Variants in HPCAL1 observed in about 807,000 individuals in gnomAD.
The protein encoded by HPCAL1 is hippocalcin like 1.
A neutral mutation model predicts 17.1 loss-of-function variants in HPCAL1; 8 were observed. That is an observed-to-expected ratio of 0.47 (90% CI 0.27 to 0.84). The LOEUF (loss-of-function observed/expected upper bound fraction) is 0.84. HPCAL1 is among the 40% of genes least tolerant of loss of function. The pLI, the probability that HPCAL1 is intolerant of heterozygous loss-of-function variation, is 0.13. For missense variants in HPCAL1, 165 were observed against 271.1 expected, an observed-to-expected ratio of 0.61 and a Z score of 2.75; for synonymous variants, 112 against 111.4, an observed-to-expected ratio of 1.01 and a Z score of -0.03.
chr2:10,386,498 C>A (rs532217098), intron 1 of HPCAL1, among the ~76,000 whole-genome samples: 1 of 152,148 alleles, frequency 6.6e-6, no homozygotes, highest in African/African-American at 2.4e-5. Flanking sequence ...AGACCCCCCC[C>A]CAGGTTACAG....
chr2:10,414,509 C>T (rs986620246), intron 2 of HPCAL1, among the ~76,000 whole-genome samples: 1 of 152,164 alleles, frequency 6.6e-6, no homozygotes, highest in Non-Finnish European at 1.5e-5. Flanking sequence ...CTCATCTCCT[C>T]TTCTTATAAG....
intron 1 of HPCAL1, among the ~76,000 whole-genome samples, chr2:10,366,676 A>C (rs780486582): frequency 6.6e-6 from 1 of 152,192 alleles, no homozygotes; most frequent in African/African-American, 2.4e-5. Context: ...CCCGCCCTGC[A>C]GCTCAAGCTT....
chr2:10,329,885 A>T (rs575297333), intron 1 of HPCAL1, among the ~76,000 whole-genome samples: 77 of 152,304 alleles, frequency 5.1e-4, no homozygotes, highest in African/African-American at 1.8e-3. Flanking sequence ...TTTTTTCTAA[A>T]GAAGAGACAG....
At position 10,359,440 on chromosome 2, in the gene HPCAL1, G is replaced by C. The variant is rs905103535; in HGVS notation, c.-110-37395G>C. Among the ~76,000 whole-genome samples the C allele has an allele frequency of 1.3e-5, 2 of 152,244 alleles. No individual in the cohort carries two copies. Among genetic ancestry groups the C allele is most frequent in the Non-Finnish European group, 2.9e-5 (2 of 68,042 alleles). The stretch of plus-strand genomic sequence containing the variant: ...AAGTTGAGATGTCTTTGTTCCCAGA[G>C]GAAAGTCCCTGCAGGCCCCGGCCTC... On this transcript the variant is annotated intron_variant, in intron 1 of 4. Coordinates refer to ENST00000307845, the MANE Select transcript of HPCAL1 (RefSeq NM_002149.4). The surrounding 1 kb of genome is among the most constrained non-coding windows in gnomAD (Gnocchi z 4.1).
chr2:10,309,722 C>T (rs1046402483), intron 1 of HPCAL1, among the ~76,000 whole-genome samples: 2 of 152,128 alleles, frequency 1.3e-5, no homozygotes, highest in Admixed American at 6.5e-5. Context: ...GGTGCTGTGG[C>T]CTTGGGTGGC....
chr2:10,352,049 C>T (rs546041512), intron 1 of HPCAL1, among the ~76,000 whole-genome samples: 5 of 151,926 alleles, frequency 3.3e-5, no homozygotes, highest in Non-Finnish European at 4.4e-5. Context: ...ATTACAGGTG[C>T]GTACCACCAC....
rs977117746 is a variant in HPCAL1, at chr2:10,411,398, G to A, written c.-24-8336G>A. Among the ~76,000 whole-genome samples the A allele has an allele frequency of 2.0e-5, 3 of 152,210 alleles. No homozygotes were observed. In the East Asian group the frequency reaches 5.8e-4, roughly 29 times the overall value. On this transcript the variant is annotated intron_variant, in intron 2 of 4. Transcript: ENST00000307845. ...TTGCCTCCTCTCGGCCTAGCCAGGA[G>A]TGACCCCACTTTCCCAGCTCCTAGA...
intron 1 of HPCAL1, among the ~76,000 whole-genome samples, chr2:10,314,431 G>A (rs1468158097): frequency 6.6e-6 from 1 of 152,124 alleles, no homozygotes; most frequent in Non-Finnish European, 1.5e-5. Flanking sequence ...AAGAAGACAG[G>A]GACTCGTGGC....
intron 1 of HPCAL1, among the ~76,000 whole-genome samples, chr2:10,374,880 T>C (rs2016436): frequency 0.45 from 68,719 of 152,160 alleles, 15,862 homozygotes; most frequent in African/African-American, 0.54. Flanking sequence ...TCCCTGGGGC[T>C]GGACCCCTTG....
rs1234094959 is a variant in HPCAL1 at position 10,419,363 on chromosome 2, A to T, written c.-24-371A>T. Among the ~76,000 whole-genome samples, 1 of 152,198 alleles carries T rather than the reference A, an allele frequency of 6.6e-6. No homozygotes were observed. Among genetic ancestry groups the T allele is most frequent in the Non-Finnish European group, 1.5e-5 (1 of 68,030 alleles). On this transcript the variant is annotated intron_variant, in intron 2 of 4. Coordinates refer to ENST00000307845, the MANE Select transcript of HPCAL1 (RefSeq NM_002149.4). The surrounding 1 kb of genome is among the most constrained non-coding windows in gnomAD (Gnocchi z 5.0). The stretch of plus-strand genomic sequence containing the variant: ...AGTCTGGGATGTGGCTGAGGTGGCC[A>T]CTTTGCCAGGAGCTGATGAGGGGGA...
intron 2 of HPCAL1, among the ~76,000 whole-genome samples, chr2:10,416,260 C>T (rs1452048407): frequency 1.3e-5 from 2 of 152,234 alleles, no homozygotes; most frequent in East Asian, 3.8e-4. Flanking sequence ...GGCCATGATT[C>T]AACCCATGCA....
intron 1 of HPCAL1, among the ~76,000 whole-genome samples, chr2:10,381,589 C>T (rs113965543): frequency 3.3e-5 from 5 of 150,720 alleles, no homozygotes; most frequent in African/African-American, 9.8e-5. Context: ...AGGTGCTCTG[C>T]GCCGCCAGAG....
At chr2:10,399,486 A>G (rs1242168613) in intron 2 of HPCAL1, among the ~76,000 whole-genome samples, 4 of 132,850 alleles carry the variant, frequency 3.0e-5, no homozygotes, top group Admixed American at 7.4e-5. Flanking sequence ...CACCACCATC[A>G]CCGCCACCAT....
chr2:10,349,178 G>A (rs975696455), intron 1 of HPCAL1, among the ~76,000 whole-genome samples: 35 of 152,088 alleles, frequency 2.3e-4, no homozygotes, highest in African/African-American at 8.5e-4. Context: ...AATGGAATCT[G>A]AATCTTCAAA....
chr2:10,350,484 G>C (rs543568393), intron 1 of HPCAL1, among the ~76,000 whole-genome samples: 4 of 152,068 alleles, frequency 2.6e-5, no homozygotes, highest in African/African-American at 9.6e-5. Flanking sequence ...GCTAATTTTT[G>C]TATTTTTTGT....
intron 1 of HPCAL1, among the ~76,000 whole-genome samples, chr2:10,391,040 C>G (rs1233962807): frequency 6.6e-6 from 1 of 152,202 alleles, no homozygotes; most frequent in African/African-American, 2.4e-5. Flanking sequence ...ACCCGATGCC[C>G]AGCACTAATC....
intron 1 of HPCAL1, among the ~76,000 whole-genome samples, chr2:10,373,964 T>C (rs939842705): frequency 6.6e-6 from 1 of 152,200 alleles, no homozygotes; most frequent in African/African-American, 2.4e-5. Context: ...AGGAGGTCTG[T>C]TTTTATCCTT....
intron 1 of HPCAL1, among the ~76,000 whole-genome samples, chr2:10,317,856 G>C (rs1392822779): frequency 6.6e-6 from 1 of 152,222 alleles, no homozygotes; most frequent in Non-Finnish European, 1.5e-5. Flanking sequence ...CCCACAAGGG[G>C]GCCCTGGGCT....
chr2:10,403,938 T>C (rs2125596109), intron 2 of HPCAL1, among the ~76,000 whole-genome samples: 1 of 152,324 alleles, frequency 6.6e-6, no homozygotes, highest in African/African-American at 2.4e-5. Flanking sequence ...TAAGTTTCGA[T>C]GGTATTTTTC....
Sources: gnomAD v4.1 joint callset for allele counts (sites outside exome capture counted in the v4.1 genomes callset) on GRCh38, gnomAD v4.1.1 for gene constraint, Gnocchi (gnomAD v3.1) non-coding constraint, MANE v1.5 for transcripts, NCBI Gene and HGNC (gene_info 2026-07-23, HGNC 2026-07-21) for gene names.